RABGAP1L: variants seen among roughly 807,000 people sequenced by gnomAD.
RABGAP1L encodes RAB GTPase activating protein 1 like.
RABGAP1L carries 63 observed loss-of-function variants against 137.7 expected under a neutral mutation model. That is an observed-to-expected ratio of 0.46 (90% CI 0.37 to 0.56). The LOEUF (loss-of-function observed/expected upper bound fraction) is 0.56, where lower values mean the gene tolerates loss of function less well. RABGAP1L is among the 20% of genes least tolerant of loss of function. The pLI, the probability that RABGAP1L is intolerant of heterozygous loss-of-function variation, is 0.00. For missense variants in RABGAP1L, 1,095 were observed against 1,244.0 expected, an observed-to-expected ratio of 0.88 and a Z score of 1.80; for synonymous variants, 431 against 433.7, an observed-to-expected ratio of 0.99 and a Z score of 0.08.
At chr1:174,300,119 T>C (rs1022455204) in intron 10 of RABGAP1L, among the ~76,000 whole-genome samples, 6 of 152,208 alleles carry the variant, frequency 3.9e-5, no homozygotes, top group African/African-American at 1.4e-4. Context: ...CACAAAAATA[T>C]AACCTAAAGA....
chr1:174,765,957 G>A (rs1685636074), intron 18 of RABGAP1L, among the ~76,000 whole-genome samples: 1 of 152,080 alleles, frequency 6.6e-6, no homozygotes, highest in Non-Finnish European at 1.5e-5. Context: ...TTCATATGTT[G>A]AAGTCGTAAC....
chr1:174,635,051 TAAA>T (rs1673847473), intron 13 of RABGAP1L, among the ~76,000 whole-genome samples: 1 of 149,790 alleles, frequency 6.7e-6, no homozygotes, highest in African/African-American at 2.5e-5. Flanking sequence ...AAAATAATAA[TAAA>T]ATAAAAAAAT....
intron 11 of RABGAP1L, among the ~76,000 whole-genome samples, chr1:174,347,774 G>A (rs1311783777): frequency 6.6e-6 from 1 of 152,182 alleles, no homozygotes; most frequent in East Asian, 1.9e-4. Context: ...GATTACAGGC[G>A]TGAGCCATAC....
At chr1:174,306,899 T>A (rs573009760) in intron 11 of RABGAP1L, among the ~76,000 whole-genome samples, 1 of 152,216 alleles carries the variant, frequency 6.6e-6, no homozygotes, top group Non-Finnish European at 1.5e-5. Context: ...AGTAAATTTC[T>A]TAATTTTTAT....
Position 174,754,647 on chromosome 1 carries a change from A to G in RABGAP1L, c.2211+2293A>G, listed in dbSNP as rs1490330356. On this transcript the variant is annotated intron_variant, in intron 18 of 25. Coordinates refer to ENST00000681986, the MANE Select transcript of RABGAP1L (RefSeq NM_001366446.1). ...CTCTTGAGGAGCTAGAATTACAGGT[A>G]GATGCCACCATGCCCAGCTAATTTT... Among the ~76,000 whole-genome samples the G allele has an allele frequency of 2.6e-5, 4 of 152,098 alleles. No individual in the cohort carries two copies. In the East Asian group the frequency reaches 7.7e-4, roughly 29 times the overall value.
chr1:174,826,382 C>A (rs888774767), intron 19 of RABGAP1L, among the ~76,000 whole-genome samples: 9 of 152,266 alleles, frequency 5.9e-5, no homozygotes, highest in South Asian at 2.1e-4. Flanking sequence ...CCACCATCCT[C>A]AGCTAATTTT....
intron 19 of RABGAP1L, among the ~76,000 whole-genome samples, chr1:174,832,683 C>T (rs1331320959): frequency 8.3e-6 from 1 of 120,922 alleles, no homozygotes; most frequent in African/African-American, 2.9e-5. Context: ...GGCACACCCA[C>T]AGCCACTACT....
At chr1:174,570,273 G>A (rs1667878487) in intron 13 of RABGAP1L, among the ~76,000 whole-genome samples, 1 of 152,168 alleles carries the variant, frequency 6.6e-6, no homozygotes, top group Admixed American at 6.5e-5. Flanking sequence ...AGGTATAACG[G>A]TGATGCAGGG....
chr1:174,843,610 CTTAATCCAGTCTATCATTGTTGGACA>C (rs1693709016), intron 19 of RABGAP1L, among the ~76,000 whole-genome samples: 1 of 103,840 alleles, frequency 9.6e-6, no homozygotes, highest in African/African-American at 3.8e-5. Context: ...GCCACATTTT[CTTAATCCAGTCTATCATTGTTGGACA>C]TTTGGGTTGG....
At chr1:174,492,821 A>C (rs922373747) in intron 13 of RABGAP1L, among the ~76,000 whole-genome samples, 1 of 152,048 alleles carries the variant, frequency 6.6e-6, no homozygotes, top group Non-Finnish European at 1.5e-5. Flanking sequence ...TTAAATCTTA[A>C]GCCTTTTGTG....
chr1:174,589,595 T>G (rs1327349437), intron 13 of RABGAP1L, among the ~76,000 whole-genome samples: 2 of 152,212 alleles, frequency 1.3e-5, no homozygotes. Flanking sequence ...GTTTGAGGAC[T>G]TAGATTTAAG....
chr1:174,963,418 G>A (rs1366645617), intron 20 of RABGAP1L, among the ~76,000 whole-genome samples: 1 of 152,072 alleles, frequency 6.6e-6, no homozygotes, highest in Admixed American at 6.6e-5. Context: ...AACAATGCTG[G>A]TCTGCTAGAG....
At chr1:174,681,735 C>T (rs915151150) in intron 14 of RABGAP1L, among the ~76,000 whole-genome samples, 2 of 150,436 alleles carry the variant, frequency 1.3e-5, no homozygotes, top group African/African-American at 2.4e-5. Flanking sequence ...AAGGGAGTTC[C>T]AGACTCTGTG....
intron 19 of RABGAP1L, among the ~76,000 whole-genome samples, chr1:174,840,833 A>T (rs963532653): frequency 6.7e-6 from 1 of 149,778 alleles, no homozygotes; most frequent in African/African-American, 2.5e-5. Context: ...AAAATAAAAA[A>T]AAAAAAAGAA....
intron 14 of RABGAP1L, among the ~76,000 whole-genome samples, chr1:174,640,941 A>AAATAT (rs773310388): frequency 6.8e-6 from 1 of 146,814 alleles, no homozygotes. Flanking sequence ...TTTCTATATT[A>AAATAT]AATATAATAT....
intron 14 of RABGAP1L, among the ~76,000 whole-genome samples, chr1:174,670,842 C>T (rs1677126353): frequency 6.6e-6 from 1 of 152,142 alleles, no homozygotes; most frequent in Non-Finnish European, 1.5e-5. Context: ...ATGAACAGTG[C>T]TATAACAAAC....
rs912442075 is a variant in RABGAP1L, at chr1:174,300,414, A to C, written c.1324-4572A>C. On this transcript the variant is annotated intron_variant, in intron 10 of 25. Transcript: ENST00000681986. ...GTGGCGCATGCCTGTAATCCCAGCT[A>C]CTTGGGAGGCTGAGGCAGGAGAATC... Among the ~76,000 whole-genome samples the C allele has an allele frequency of 4.6e-5, 7 of 151,452 alleles. 1 individual carries two copies. The highest frequency in any genetic ancestry group is 1.0e-4 in the Non-Finnish European group (7 of 67,924).
At chr1:174,213,477 G>A (rs1352994503) in intron 1 of RABGAP1L, among the ~76,000 whole-genome samples, 1 of 152,078 alleles carries the variant, frequency 6.6e-6, no homozygotes, top group Non-Finnish European at 1.5e-5. Context: ...ATTCTAAGAG[G>A]CTAATATTAC....
chr1:174,802,959 G>A (rs1040492878), intron 18 of RABGAP1L, among the ~76,000 whole-genome samples: 1 of 152,162 alleles, frequency 6.6e-6, no homozygotes, highest in Non-Finnish European at 1.5e-5. Flanking sequence ...AAGTACTAAA[G>A]TGTAAAACAT....
Sources: gnomAD v4.1 joint callset for allele counts (sites outside exome capture counted in the v4.1 genomes callset) on GRCh38, gnomAD v4.1.1 for gene constraint, MANE v1.5 for transcripts, NCBI Gene and HGNC (gene_info 2026-07-23, HGNC 2026-07-21) for gene names.